EBF2: variants seen among roughly 807,000 people sequenced by gnomAD.
EBF2 encodes the protein transcription factor COE2.
EBF2 carries 21 observed loss-of-function variants against 72.8 expected under a neutral mutation model. That is an observed-to-expected ratio of 0.29 (90% confidence interval 0.20 to 0.42). The LOEUF (loss-of-function observed/expected upper bound fraction) is 0.42, where lower values mean the gene tolerates loss of function less well. Ranked by LOEUF, EBF2 falls within the 10% of genes least tolerant of loss-of-function variation. EBF2 has a pLI of 1.00. For missense variants in EBF2, 637 were observed against 731.2 expected (o/e 0.87, Z 1.49); for synonymous variants, 299 against 274.2 (o/e 1.09, Z -0.89).
chr8:26,045,054 G>T lies in EBF2; in HGVS notation c.-195C>A, dbSNP rs559606162. 2.5e-4 allele frequency: 143 copies of T among 572,698 alleles called. No individual in the cohort carries two copies. In the African/African-American group the frequency reaches 2.6e-3, roughly 10 times the overall value. The allele number at this position is 572,698 out of a possible 1,614,324, so 35.5% of individuals were successfully genotyped here. Reference sequence around the variant, plus strand: ...CACTGGCGAGGTGCGGACTGATGTAGTCAAAGTTTGGGTTCTTATCCTCCG... The same window carrying T: ...CACTGGCGAGGTGCGGACTGATGTATTCAAAGTTTGGGTTCTTATCCTCCG... On this transcript the variant is annotated 5_prime_UTR_variant, in exon 1 of 16. Transcript: ENST00000520164.
At chr8:25,904,236 A>AAAAT (rs1803000216) in intron 7 of EBF2, among the ~76,000 whole-genome samples, 1 of 21,390 alleles carries the variant, frequency 4.7e-5, no homozygotes, top group Non-Finnish European at 8.6e-5. Flanking sequence ...GGTCTGGGCC[A>AAAAT]AAAAAAAAAA....
chr8:25,933,830 T>C (rs1803526476), intron 6 of EBF2, among the ~76,000 whole-genome samples: 1 of 152,178 alleles, frequency 6.6e-6, no homozygotes, highest in African/African-American at 2.4e-5. Flanking sequence ...CATTTTTGTT[T>C]AAATACAGAG....
At chr8:26,012,070 A>G (rs1805033952) in intron 6 of EBF2, among the ~76,000 whole-genome samples, 1 of 152,124 alleles carries the variant, frequency 6.6e-6, no homozygotes, top group African/African-American at 2.4e-5. Context: ...TCTAAGACAG[A>G]AAGAAAGAAT....
chr8:25,912,593 T>C (rs934139027), intron 6 of EBF2, among the ~76,000 whole-genome samples: 3 of 151,866 alleles, frequency 2.0e-5, no homozygotes, highest in African/African-American at 7.3e-5. Context: ...TAGTCAAAGA[T>C]AGACATATGG....
At chr8:25,858,048 C>T (rs148697000) in intron 14 of EBF2, 8,180 of 593,134 alleles carry the variant, frequency 0.014, 155 homozygotes, top group Non-Finnish European at 0.017. Flanking sequence ...TAATTCCTTG[C>T]TTCCACTTAC....
At chr8:25,914,584 T>C (rs377580179) in intron 6 of EBF2, among the ~76,000 whole-genome samples, 215 of 152,326 alleles carry the variant, frequency 1.4e-3, no homozygotes, top group African/African-American at 4.7e-3. Context: ...TACAGTAACT[T>C]GGTGATGACG....
At chr8:25,881,122 G>T (rs1433793266) in intron 10 of EBF2, among the ~76,000 whole-genome samples, 1 of 152,126 alleles carries the variant, frequency 6.6e-6, no homozygotes, top group African/African-American at 2.4e-5. Context: ...TGACCTCCCT[G>T]CATCCAACCT....
intron 6 of EBF2, among the ~76,000 whole-genome samples, chr8:25,966,040 G>A (rs1387209070): frequency 1.3e-5 from 2 of 152,150 alleles, no homozygotes; most frequent in Non-Finnish European, 2.9e-5. Context: ...GGTGGGAGAA[G>A]TTGAAGAAAA....
rs1471625933 is a variant in EBF2 at position 25,841,963 on chromosome 8, G to A, written c.*2646C>T. 1.3e-5 allele frequency: 2 copies of A among 152,154 alleles called. No individual in the cohort carries two copies. The highest frequency in any genetic ancestry group is 2.9e-5 in the Non-Finnish European group (2 of 68,032). 9.4% of individuals were successfully genotyped at this position (152,154 alleles called of 1,614,324 possible). A position where few individuals can be genotyped will look rare whatever the true frequency, so the allele number is the denominator to read the frequency against. On this transcript the variant is annotated 3_prime_UTR_variant, in exon 16 of 16. Transcript: ENST00000520164. Reference sequence around the variant, plus strand: ...AAAATGAAACCTTACTGTACAAAAGGTAGAGAAGTTAATGGTTTTTAAACC... The same window carrying A: ...AAAATGAAACCTTACTGTACAAAAGATAGAGAAGTTAATGGTTTTTAAACC...
Position 25,995,533 on chromosome 8 carries a change from T to G in EBF2, c.551+37552A>C, listed in dbSNP as rs187144190. Among the ~76,000 whole-genome samples the G allele has an allele frequency of 1.5e-3, 231 of 152,284 alleles. 2 individuals carry two copies. Among genetic ancestry groups the G allele is most frequent in the Admixed American group, 0.013 (192 of 15,302 alleles). On this transcript the variant is annotated intron_variant, in intron 6 of 15. Coordinates refer to ENST00000520164, the MANE Select transcript of EBF2 (RefSeq NM_022659.4). ...AAATATTCATGTTAGATCGAAAATA[T>G]GTATGCTATTTAAAAGAACACTCAG...
At chr8:25,907,883 C>T (rs1803064535) in intron 7 of EBF2, among the ~76,000 whole-genome samples, 1 of 152,184 alleles carries the variant, frequency 6.6e-6, no homozygotes, top group Admixed American at 6.5e-5. Context: ...GCCTGATACA[C>T]TTTGCCTCGC....
intron 6 of EBF2, among the ~76,000 whole-genome samples, chr8:25,908,885 C>T (rs540472210): frequency 6.6e-6 from 1 of 152,158 alleles, no homozygotes; most frequent in South Asian, 2.1e-4. Context: ...CAGCAGTGAC[C>T]CCTGCTGTAC....
At chr8:26,004,983 G>T (rs62499124) in intron 6 of EBF2, among the ~76,000 whole-genome samples, 1 of 150,354 alleles carries the variant, frequency 6.7e-6, no homozygotes, top group Admixed American at 6.7e-5. Flanking sequence ...TACAACAGTC[G>T]CATAGTGGCT....
At chr8:25,992,700 C>T (rs564445620) in intron 6 of EBF2, among the ~76,000 whole-genome samples, 7 of 151,298 alleles carry the variant, frequency 4.6e-5, no homozygotes, top group East Asian at 4.0e-4. Flanking sequence ...CTCAGGAGTT[C>T]GAGACCAGCC....
chr8:25,866,589 TATATA>T (rs36220186), intron 10 of EBF2, among the ~76,000 whole-genome samples: 19,900 of 141,456 alleles, frequency 0.14, 1,682 homozygotes, highest in African/African-American at 0.22. Context: ...TAATAATTTT[TATATA>T]ATATAATATA....
intron 10 of EBF2, among the ~76,000 whole-genome samples, chr8:25,867,927 T>G (rs1802363420): frequency 6.6e-6 from 1 of 152,218 alleles, no homozygotes; most frequent in Non-Finnish European, 1.5e-5. Context: ...TGTTAATGTT[T>G]TAGCATAGAA....
intron 10 of EBF2, among the ~76,000 whole-genome samples, chr8:25,866,844 C>A (rs1230683010): frequency 6.6e-6 from 1 of 151,580 alleles, no homozygotes; most frequent in Non-Finnish European, 1.5e-5. Context: ...ATTGGCCACG[C>A]TGGTCACGAA....
At chr8:25,890,214 T>C (rs1267104832) in intron 7 of EBF2, among the ~76,000 whole-genome samples, 1 of 152,104 alleles carries the variant, frequency 6.6e-6, no homozygotes, top group Non-Finnish European at 1.5e-5. Context: ...AAAGCTGGTG[T>C]GCCATGTGGA....
intron 6 of EBF2, among the ~76,000 whole-genome samples, chr8:25,934,601 G>A (rs1034967118): frequency 2.0e-5 from 3 of 152,058 alleles, no homozygotes; most frequent in African/African-American, 4.8e-5. Flanking sequence ...TAATAGAGGC[G>A]GTCCTGCTGC....
Sources: gnomAD v4.1 joint callset for allele counts (sites outside exome capture counted in the v4.1 genomes callset) on GRCh38, gnomAD v4.1.1 for gene constraint, MANE v1.5 for transcripts, NCBI Gene and HGNC (gene_info 2026-07-23, HGNC 2026-07-21) for gene names.